Variants in TAF2 observed in about 807,000 individuals in gnomAD.
TAF2 encodes TATA-box binding protein associated factor 2.
In TAF2, 61 loss-of-function variants were observed where a neutral mutation model predicts 138.5. The observed-to-expected ratio is 0.44, with a 90% CI of 0.36 to 0.54. TAF2 has a LOEUF of 0.54. TAF2 is among the 20% of genes least tolerant of loss of function. The pLI is 0.00. For synonymous variants in TAF2, 475 were observed against 469.9 expected (o/e 1.01, Z -0.14); for missense variants, 1,090 against 1,427.9 (o/e 0.76, Z 3.81).
chr8:119,745,667 AC>A (rs1233794167), intron 23 of TAF2, among the ~76,000 whole-genome samples: 3 of 152,208 alleles, frequency 2.0e-5, no homozygotes, highest in South Asian at 2.1e-4. Flanking sequence ...CAATAAAAAA[AC>A]ATTTCAGGAA....
In TAF2 at chr8:119,781,719, G is replaced by T. The variant is rs905996546; in HGVS notation, c.2113-526C>A. ...TTTCCTCTTTTTTTTTTTTGGAGAT[G>T]GAGTCTCGTTCTATCGCTCAGGCTA... On this transcript the variant is annotated intron_variant, in intron 16 of 25. Transcript: ENST00000378164. Among the ~76,000 whole-genome samples the T allele has an allele frequency of 1.7e-4, 25 of 150,180 alleles. 1 individual carries two copies. Among genetic ancestry groups the T allele is most frequent in the African/African-American group, 5.1e-4 (21 of 40,812 alleles).
intron 17 of TAF2, among the ~76,000 whole-genome samples, chr8:119,779,582 G>T (rs1291876582): frequency 6.6e-6 from 1 of 152,152 alleles, no homozygotes; most frequent in African/African-American, 2.4e-5. Context: ...GGATGCCACA[G>T]ACTTCTTTGA....
intron 15 of TAF2, 149 bp from the exon 16 acceptor site, chr8:119,783,782 A>G (rs1450372347): frequency 1.1e-6 from 1 of 920,824 alleles, no homozygotes; most frequent in Admixed American, 2.7e-5. Flanking sequence ...TCATTTTTTT[A>G]AACTGCACTG....
intron 11 of TAF2, among the ~76,000 whole-genome samples, chr8:119,790,831 C>T (rs576859760): frequency 6.6e-6 from 1 of 152,182 alleles, no homozygotes; most frequent in South Asian, 2.1e-4. Flanking sequence ...CAGTCTCACT[C>T]TGTCACCCAG....
chr8:119,763,674 G>A (rs977833236), intron 18 of TAF2, among the ~76,000 whole-genome samples: 2 of 152,108 alleles, frequency 1.3e-5, no homozygotes, highest in African/African-American at 4.8e-5. Context: ...AGGTTGCAGT[G>A]AGCCGAAATT....
At chr8:119,827,867 C>T (rs1238958123) in intron 2 of TAF2, among the ~76,000 whole-genome samples, 1 of 151,932 alleles carries the variant, frequency 6.6e-6, no homozygotes, top group Non-Finnish European at 1.5e-5. Flanking sequence ...CCTCAGCCTC[C>T]CAAGTAGCTG....
At chr8:119,808,603 A>G (rs1224549209) in intron 3 of TAF2, among the ~76,000 whole-genome samples, 1 of 152,222 alleles carries the variant, frequency 6.6e-6, no homozygotes, top group East Asian at 1.9e-4. Flanking sequence ...ATCACTATCT[A>G]TGGCAACTAT....
intron 3 of TAF2, among the ~76,000 whole-genome samples, chr8:119,812,230 C>A (rs1256455511): frequency 6.6e-6 from 1 of 152,050 alleles, no homozygotes. Flanking sequence ...TCCTATGTGA[C>A]CTTGTTAGGT....
At chr8:119,735,093 A>G (rs945883096) in intron 25 of TAF2, among the ~76,000 whole-genome samples, 1 of 152,136 alleles carries the variant, frequency 6.6e-6, no homozygotes, top group African/African-American at 2.4e-5. Flanking sequence ...CTGAGGCACA[A>G]ATCTAAAGAG....
intron 21 of TAF2, among the ~76,000 whole-genome samples, chr8:119,757,405 C>G (rs1820770812): frequency 6.6e-6 from 1 of 152,052 alleles, no homozygotes; most frequent in African/African-American, 2.4e-5. Flanking sequence ...GCCTCATACT[C>G]TATTTCTAAG....
intron 18 of TAF2, among the ~76,000 whole-genome samples, chr8:119,776,233 A>G (rs964730326): frequency 6.6e-6 from 1 of 152,182 alleles, no homozygotes; most frequent in Non-Finnish European, 1.5e-5. Flanking sequence ...TTCTTTTACA[A>G]TGTTAATTTT....
In TAF2 at chr8:119,774,242, C is replaced by T. The variant is rs1401642800; in HGVS notation, c.2364+3777G>A. On this transcript the variant is annotated intron_variant, in intron 18 of 25. Coordinates refer to ENST00000378164, the MANE Select transcript of TAF2 (RefSeq NM_003184.4). ...AAGCACCTGGAAAGATCATAAGTTA[C>T]TCATCACAGTATCATCAAAACCTAG... 3.3e-5 allele frequency among the ~76,000 whole-genome samples: 5 copies of T among 152,058 alleles called. No individual in the cohort carries two copies. In the East Asian group the frequency reaches 9.6e-4, roughly 29 times the overall value.
intron 6 of TAF2, 144 bp downstream of exon 6, chr8:119,801,649 CG>C (rs941500970): frequency 2.9e-5 from 22 of 752,640 alleles, no homozygotes; most frequent in Non-Finnish European, 4.6e-5. Flanking sequence ...AGGATGGTCT[CG>C]ATCTCCTGAC....
At chr8:119,764,302 C>T (rs1480602574) in intron 18 of TAF2, among the ~76,000 whole-genome samples, 1 of 152,262 alleles carries the variant, frequency 6.6e-6, no homozygotes, top group Non-Finnish European at 1.5e-5. Flanking sequence ...TTTGCATTTA[C>T]GCTATCCTTA....
chr8:119,825,944 G>A (rs537298981), intron 2 of TAF2, among the ~76,000 whole-genome samples: 11 of 151,216 alleles, frequency 7.3e-5, no homozygotes, highest in African/African-American at 2.7e-4. Context: ...TGCCCGCCTC[G>A]GCCTCCCAAA....
chr8:119,804,162 C>T (rs946069438), intron 4 of TAF2, 143 bp from the exon 5 acceptor site: 2 of 952,330 alleles, frequency 2.1e-6, no homozygotes, highest in African/African-American at 3.3e-5. Context: ...CTAGTTTAGA[C>T]TTTTACCATA....
chr8:119,767,333 G>A (rs1259229272), intron 18 of TAF2, among the ~76,000 whole-genome samples: 2 of 152,136 alleles, frequency 1.3e-5, no homozygotes, highest in East Asian at 1.9e-4. Context: ...TCAGAGAAGC[G>A]ACGGGAATCA....
chr8:119,778,269 C>T (rs184907977), intron 17 of TAF2, 140 bp from the exon 18 acceptor site: 3 of 581,294 alleles, frequency 5.2e-6, no homozygotes, highest in Non-Finnish European at 9.2e-6. Context: ...CACACCCCAA[C>T]CCCTCCCACT....
At chr8:119,775,634 T>A (rs1466674566) in intron 18 of TAF2, among the ~76,000 whole-genome samples, 4 of 147,928 alleles carry the variant, frequency 2.7e-5, no homozygotes, top group Non-Finnish European at 6.0e-5. Context: ...ACCTGGGAGG[T>A]GGAGGTTGCA....
Sources: allele counts gnomAD v4.1 joint callset (sites outside exome capture counted in the v4.1 genomes callset), GRCh38; gene constraint gnomAD v4.1.1; transcripts MANE v1.5; gene names NCBI Gene and HGNC (gene_info 2026-07-23, HGNC 2026-07-21).